The following CCR9 variants were observed in gnomAD, a reference collection of about 807,000 sequenced individuals.
CCR9 encodes the protein C-C motif chemokine receptor 9, also known as C-C chemokine receptor type 9.
A neutral mutation model predicts 8.7 loss-of-function variants in CCR9; 4 were observed. That is an observed-to-expected ratio of 0.46 (90% confidence interval 0.23 to 1.06). The LOEUF (loss-of-function observed/expected upper bound fraction) is 1.06, where lower values mean the gene tolerates loss of function less well. CCR9 is among the 50% of genes least tolerant of loss of function. CCR9 has a pLI of 0.21. For synonymous variants in CCR9, 159 were observed against 168.8 expected (o/e 0.94, Z 0.45); for missense variants, 394 against 453.6 (o/e 0.87, Z 1.19).
intron 2 of CCR9, 114 bp downstream of exon 2, chr3:45,895,068 GTA>G: frequency 8.7e-7 from 1 of 1,153,528 alleles, no homozygotes; most frequent in Non-Finnish European, 1.3e-6. Flanking sequence ...GTTTCCCAGG[GTA>G]AGATCTCTGC....
chr3:45,902,001 CA>C lies in CCR9; in HGVS notation c.*104del. ...AGAGAGTGAAAGAGAAAAGAAAACT[CA>C]GAAAGGGATGAATCTGAACTATATG... On this transcript the variant is annotated 3_prime_UTR_variant, in exon 3 of 3. Coordinates refer to ENST00000357632, the MANE Select transcript of CCR9 (RefSeq NM_031200.3). 1 of 981,400 alleles carries C rather than the reference CA, an allele frequency of 1.0e-6. No individual in the cohort carries two copies. 60.8% of individuals were successfully genotyped at this position (981,400 alleles called of 1,614,324 possible).
chr3:45,901,467 T>G lies in CCR9; in HGVS notation c.679T>G (p.Phe227Val). ...LKVILGFFLPFVVMACCYTII... is the reference protein window; with the variant it reads ...LKVILGFFLPVVVMACCYTII... ...GGTCATTCTGGGGTTCTTCCTTCCC[T>G]TCGTGGTCATGGCTTGCTGCTATAC... Residue 227 changes from phenylalanine to valine, a missense_variant, in exon 3 of 3, where the codon TTC becomes GTC. Physicochemically the swap from Phe to Val is conservative, Grantham distance 50. Coordinates refer to ENST00000357632, the MANE Select transcript of CCR9 (RefSeq NM_031200.3). This position sits in a 1 kb window ranked among gnomAD's most constrained non-coding sequence, Gnocchi z 4.3. 1 of 1,614,212 alleles carries G rather than the reference T, an allele frequency of 6.2e-7. No individual in the cohort carries two copies. The highest frequency in any genetic ancestry group is 8.5e-7 in the Non-Finnish European group (1 of 1,180,036).
At chr3:45,892,556 C>T (rs1456952928) in intron 1 of CCR9, among the ~76,000 whole-genome samples, 1 of 151,890 alleles carries the variant, frequency 6.6e-6, no homozygotes, top group Non-Finnish European at 1.5e-5. Flanking sequence ...CTGGGACCCC[C>T]TTGAGGATGG....
chr3:45,888,013 T>C (rs1702036265), intron 1 of CCR9, among the ~76,000 whole-genome samples: 1 of 152,258 alleles, frequency 6.6e-6, no homozygotes, highest in African/African-American at 2.4e-5. Flanking sequence ...AGGCTATAAG[T>C]GTGGGGAGAT....
intron 2 of CCR9, among the ~76,000 whole-genome samples, chr3:45,896,937 C>A (rs1702374592): frequency 6.6e-6 from 1 of 152,204 alleles, no homozygotes; most frequent in Non-Finnish European, 1.5e-5. Flanking sequence ...TTCCAGAGAA[C>A]ACATGAGCCA....
intron 1 of CCR9, among the ~76,000 whole-genome samples, chr3:45,887,626 C>T (rs1018176649): frequency 1.3e-5 from 2 of 152,236 alleles, no homozygotes; most frequent in Admixed American, 1.3e-4. Flanking sequence ...CATCTCCTTA[C>T]TCCCTTTCCT....
In CCR9 at chr3:45,902,872, G is replaced by C. The variant is rs1020453818; in HGVS notation, c.*974G>C. 2 of 167,118 alleles carry C rather than the reference G, an allele frequency of 1.2e-5. No homozygotes were observed. The highest frequency in any genetic ancestry group is 4.8e-5 in the African/African-American group (2 of 41,450). The allele number at this position is 167,118 out of a possible 1,614,324, so 10.4% of individuals were successfully genotyped here. A position where few individuals can be genotyped will look rare whatever the true frequency, so the allele number is the denominator to read the frequency against. ...GGCAGCAGCCAGGTAGGGCAAAGGGGTGAAGCGCAGGCCTTGCTGGAAGGC... is the reference window on the plus strand; with the variant it reads ...GGCAGCAGCCAGGTAGGGCAAAGGGCTGAAGCGCAGGCCTTGCTGGAAGGC... On this transcript the variant is annotated 3_prime_UTR_variant, in exon 3 of 3. Transcript: ENST00000357632.
intron 2 of CCR9, chr3:45,897,684 T>C (rs1055314276): frequency 1.5e-6 from 2 of 1,352,198 alleles, no homozygotes; most frequent in African/African-American, 2.9e-5. Flanking sequence ...CCCCCTCTCA[T>C]TTGTTCCCCA....
chr3:45,890,353 A>AACC (rs1702138560), intron 1 of CCR9, among the ~76,000 whole-genome samples: 1 of 20,764 alleles, frequency 4.8e-5, no homozygotes, highest in Non-Finnish European at 1.0e-4. Flanking sequence ...TATATAACAT[A>AACC]TATATATATA....
At chr3:45,899,144 A>C (rs1985463) in intron 2 of CCR9, among the ~76,000 whole-genome samples, 56,279 of 152,206 alleles carry the variant, frequency 0.37, 12,011 homozygotes, top group African/African-American at 0.58. Flanking sequence ...CCAGCCTGGG[A>C]AGCAAGAGCA....
intron 1 of CCR9, among the ~76,000 whole-genome samples, chr3:45,893,557 T>C (rs1702258016): frequency 6.6e-6 from 1 of 152,258 alleles, no homozygotes; most frequent in Non-Finnish European, 1.5e-5. Context: ...AGTGAAATCA[T>C]ACAGTATGAA....
At chr3:45,894,354 C>T (rs938933571) in intron 1 of CCR9, among the ~76,000 whole-genome samples, 25 of 152,320 alleles carry the variant, frequency 1.6e-4, no homozygotes, top group African/African-American at 6.0e-4. Context: ...CCCCAGTGGG[C>T]ACCACCCAGC....
At chr3:45,895,429 G>C (rs1702321953) in intron 2 of CCR9, among the ~76,000 whole-genome samples, 1 of 152,238 alleles carries the variant, frequency 6.6e-6, no homozygotes, top group South Asian at 2.1e-4. Context: ...TAGTGAGTCA[G>C]TCTGGGCGTG....
chr3:45,889,129 G>T (rs1481506705), intron 1 of CCR9, among the ~76,000 whole-genome samples: 2 of 152,150 alleles, frequency 1.3e-5, no homozygotes, highest in African/African-American at 4.8e-5. Flanking sequence ...GGGACTACAG[G>T]GTAGGCAACC....
intron 1 of CCR9, among the ~76,000 whole-genome samples, chr3:45,887,799 G>C (rs1702028584): frequency 6.6e-6 from 1 of 152,252 alleles, no homozygotes; most frequent in South Asian, 2.1e-4. Flanking sequence ...CGGTTGGCAG[G>C]CATCTGATCC....
rs1485616153 is a variant in CCR9 at position 45,901,747 on chromosome 3, T to C, written c.959T>C (p.Val320Ala). The change falls in exon 3 of 3, where the codon GTG (valine) becomes GCG (alanine). Residue 320 changes from valine to alanine, a missense_variant. By Grantham distance (64) the Val-to-Ala change is moderately conservative. Transcript: ENST00000357632. This position sits in a 1 kb window ranked among gnomAD's most constrained non-coding sequence, Gnocchi z 4.3. ...SCLNPVLYVF[V>A]GERFRRDLVK... ...CTGAACCCTGTTCTCTATGTTTTTG[T>C]GGGTGAGAGATTCCGCCGGGATCTC... The C allele has an allele frequency of 1.2e-6, 2 of 1,614,200 alleles. No homozygotes were observed. The highest frequency in any genetic ancestry group is 2.2e-5 in the South Asian group (2 of 91,086).
intron 1 of CCR9, among the ~76,000 whole-genome samples, chr3:45,886,971 G>A (rs954052122): frequency 1.3e-5 from 2 of 152,288 alleles, no homozygotes; most frequent in African/African-American, 2.4e-5. Flanking sequence ...AGGGGTAAAG[G>A]ACACACCCAT....
chr3:45,895,066 G>A (rs1702310000), intron 2 of CCR9, 112 bp downstream of exon 2: 1 of 1,171,984 alleles, frequency 8.5e-7, no homozygotes, highest in African/African-American at 1.5e-5. Context: ...TGGTTTCCCA[G>A]GGTAAGATCT....
At chr3:45,899,441 T>A (rs1702473992) in intron 2 of CCR9, among the ~76,000 whole-genome samples, 1 of 152,252 alleles carries the variant, frequency 6.6e-6, no homozygotes, top group Middle Eastern at 3.2e-3. Context: ...CACAAAATCA[T>A]CTTTGTACTT....
Sources: allele counts gnomAD v4.1 joint callset (sites outside exome capture counted in the v4.1 genomes callset), GRCh38; gene constraint gnomAD v4.1.1; non-coding constraint Gnocchi (gnomAD v3.1); transcripts MANE v1.5; gene names NCBI Gene and HGNC (gene_info 2026-07-23, HGNC 2026-07-21).